FAM167A: variants seen among roughly 807,000 people sequenced by gnomAD.
FAM167A encodes family with sequence similarity 167 member A, also known as protein FAM167A.
Under a neutral mutation model 14.9 loss-of-function variants are expected in FAM167A, and 23 were observed. The ratio of observed to expected loss-of-function variants is 1.55; its 90% CI spans 1.11 to 2.19. FAM167A has a LOEUF of 2.19. FAM167A is among the 30% of genes most tolerant of loss of function. FAM167A has a pLI of 0.00. For synonymous variants in FAM167A, 174 were observed against 117.7 expected (o/e 1.48, Z -3.10); for missense variants, 401 against 281.5 (o/e 1.42, Z -3.04).
At position 11,421,495 on chromosome 8, in the gene FAM167A, T is replaced by A. The variant is rs1235288281; in HGVS notation, c.*2878A>T. On this transcript the variant is annotated 3_prime_UTR_variant, in exon 3 of 3. Coordinates refer to ENST00000284486, the MANE Select transcript of FAM167A (RefSeq NM_053279.3). ...CTCTCCTTTTATTTTTATATGGATATCTTCTTTTGAAGTATTTTTATTTCA... is the reference window on the plus strand; with the variant it reads ...CTCTCCTTTTATTTTTATATGGATAACTTCTTTTGAAGTATTTTTATTTCA... The A allele has an allele frequency of 2.7e-6, 1 of 366,480 alleles. No homozygotes were observed. The highest frequency in any genetic ancestry group is 4.6e-5 in the Admixed American group (1 of 21,690). 22.7% of individuals were successfully genotyped at this position (366,480 alleles called of 1,614,324 possible). A position where few individuals can be genotyped will look rare whatever the true frequency, so the allele number is the denominator to read the frequency against.
At chr8:11,465,136 C>G (rs1807707079) in intron 1 of FAM167A, among the ~76,000 whole-genome samples, 1 of 152,162 alleles carries the variant, frequency 6.6e-6, no homozygotes, top group African/African-American at 2.4e-5. Flanking sequence ...TTGCAAGCTC[C>G]TAATAGAAGA....
chr8:11,463,272 T>C (rs1807609391), intron 1 of FAM167A, among the ~76,000 whole-genome samples: 1 of 152,182 alleles, frequency 6.6e-6, no homozygotes, highest in South Asian at 2.1e-4. Context: ...TGGAGGGACT[T>C]AGGTCAGTTC....
At chr8:11,444,937 C>G (rs968004931) in intron 1 of FAM167A, 129 bp from the exon 2 acceptor site, 3 of 787,320 alleles carry the variant, frequency 3.8e-6, no homozygotes, top group Middle Eastern at 6.5e-4. Context: ...CATGGCTAGT[C>G]CGGGACGGAA....
chr8:11,445,044 C>T lies in FAM167A; in HGVS notation c.-397-236G>A, dbSNP rs1004217408. 26 of 860,522 alleles carry T rather than the reference C, an allele frequency of 3.0e-5. No homozygotes were observed. The African/African-American group carries it at 4.7e-4, about 16-fold the overall frequency. 53.3% of individuals were successfully genotyped at this position (860,522 alleles called of 1,614,324 possible). ...ACCATTTATATAAAAACGACTCCGC[C>T]TCTACTATCTTATTTAATGCCCCCA... On this transcript the variant is annotated intron_variant, in intron 1 of 2. Coordinates refer to ENST00000284486, the MANE Select transcript of FAM167A (RefSeq NM_053279.3).
At chr8:11,433,447 C>T (rs1805760802) in intron 2 of FAM167A, among the ~76,000 whole-genome samples, 1 of 152,144 alleles carries the variant, frequency 6.6e-6, no homozygotes, top group Non-Finnish European at 1.5e-5. Context: ...GCTGTGTGCA[C>T]TTTGGCTTAC....
At chr8:11,426,298 C>CAGAGAGA (rs1805140824) in intron 2 of FAM167A, among the ~76,000 whole-genome samples, 2 of 152,184 alleles carry the variant, frequency 1.3e-5, no homozygotes, top group African/African-American at 4.8e-5. Context: ...GCTTGTAACT[C>CAGAGAGA]CTGTCTCTCT....
chr8:11,426,443 T>C (rs1805154463), intron 2 of FAM167A, among the ~76,000 whole-genome samples: 1 of 152,236 alleles, frequency 6.6e-6, no homozygotes, highest in South Asian at 2.1e-4. Flanking sequence ...AGAGTTTGTT[T>C]TCTTCTGTTA....
intron 1 of FAM167A, among the ~76,000 whole-genome samples, chr8:11,451,895 T>C (rs186189056): frequency 6.6e-6 from 1 of 152,328 alleles, no homozygotes; most frequent in Admixed American, 6.5e-5. Flanking sequence ...CTTTACCTCC[T>C]GCCAATTCTG....
intron 1 of FAM167A, among the ~76,000 whole-genome samples, chr8:11,460,971 G>A (rs1221916164): frequency 1.3e-5 from 2 of 152,254 alleles, no homozygotes; most frequent in Non-Finnish European, 2.9e-5. Context: ...TCAAGCTGAC[G>A]CACAGTCCTC....
chr8:11,444,960 T>C, intron 1 of FAM167A, 152 bp from the exon 2 acceptor site: 1 of 697,524 alleles, frequency 1.4e-6, no homozygotes, highest in Non-Finnish European at 1.8e-6. Flanking sequence ...GAGATCATTT[T>C]AATGCCTTAA....
At chr8:11,432,908 T>C (rs1479426774) in intron 2 of FAM167A, among the ~76,000 whole-genome samples, 1 of 152,174 alleles carries the variant, frequency 6.6e-6, no homozygotes, top group East Asian at 1.9e-4. Flanking sequence ...TTCATGTCCT[T>C]TGCAGGGACA....
chr8:11,457,871 C>T (rs999294174), intron 1 of FAM167A, among the ~76,000 whole-genome samples: 1 of 152,186 alleles, frequency 6.6e-6, no homozygotes, highest in South Asian at 2.1e-4. Context: ...CACACTGGCC[C>T]GCATGACCTT....
intron 2 of FAM167A, chr8:11,433,928 T>G (rs915243981): frequency 6.6e-6 from 1 of 152,188 alleles, no homozygotes; most frequent in South Asian, 2.1e-4. Flanking sequence ...AGGTCTGCCT[T>G]ATTATTTTCG....
intron 1 of FAM167A, among the ~76,000 whole-genome samples, chr8:11,450,174 C>A (rs4840562): frequency 2.0e-5 from 3 of 151,612 alleles, no homozygotes; most frequent in Admixed American, 6.6e-5. Flanking sequence ...AAGCCCTTCA[C>A]TCCCTTCTGT....
At chr8:11,452,755 C>T (rs1297559733) in intron 1 of FAM167A, among the ~76,000 whole-genome samples, 1 of 152,176 alleles carries the variant, frequency 6.6e-6, no homozygotes. Flanking sequence ...GATCCTGGCC[C>T]AGAAAAAAGG....
At chr8:11,439,787 T>C (rs1484349178) in intron 2 of FAM167A, among the ~76,000 whole-genome samples, 1 of 152,156 alleles carries the variant, frequency 6.6e-6, no homozygotes, top group Non-Finnish European at 1.5e-5. Context: ...TTATTGCCCC[T>C]TTTCTCTGTC....
intron 1 of FAM167A, chr8:11,445,121 C>A (rs11775640): frequency 0.18 from 179,577 of 984,430 alleles, 16,894 homozygotes; most frequent in Middle Eastern, 0.28. Flanking sequence ...GAGGAACCCA[C>A]ATATCCTAGA....
intron 2 of FAM167A, among the ~76,000 whole-genome samples, chr8:11,429,635 G>A (rs1274053090): frequency 6.6e-6 from 1 of 152,216 alleles, no homozygotes; most frequent in Non-Finnish European, 1.5e-5. Flanking sequence ...GCCAGCCTAT[G>A]GCATCTGGAC....
intron 2 of FAM167A, among the ~76,000 whole-genome samples, chr8:11,439,309 G>T (rs1054458240): frequency 6.6e-6 from 1 of 152,226 alleles, no homozygotes; most frequent in African/African-American, 2.4e-5. Flanking sequence ...CCCACTTCCC[G>T]TCGGAAGACA....
Sources: gnomAD v4.1 joint callset for allele counts (sites outside exome capture counted in the v4.1 genomes callset) on GRCh38, gnomAD v4.1.1 for gene constraint, MANE v1.5 for transcripts, NCBI Gene and HGNC (gene_info 2026-07-23, HGNC 2026-07-21) for gene names.